The following EGFR variants were observed in gnomAD, a reference collection of about 807,000 sequenced individuals.
EGFR encodes epidermal growth factor receptor, also known as avian erythroblastic leukemia viral (v-erb-b) oncogene homolog.
EGFR carries 58 observed loss-of-function variants against 143.0 expected under a neutral mutation model. The observed-to-expected ratio is 0.41, with a 90% confidence interval of 0.33 to 0.50. The LOEUF (loss-of-function observed/expected upper bound fraction) is 0.50. Ranked by LOEUF, EGFR falls within the 20% of genes least tolerant of loss-of-function variation. The pLI is 0.39. For missense variants in EGFR, 1,307 were observed against 1,579.0 expected, an observed-to-expected ratio of 0.83 and a Z score of 2.92; for synonymous variants, 613 against 594.4, an observed-to-expected ratio of 1.03 and a Z score of -0.45.
chr7:55,110,968 G>A (rs1037242993), intron 1 of EGFR, among the ~76,000 whole-genome samples: 3 of 152,166 alleles, frequency 2.0e-5, no homozygotes, highest in African/African-American at 7.2e-5. Context: ...GGAGTTTTGG[G>A]GGTTTTCCAG....
At chr7:55,034,229 G>T (rs965051546) in intron 1 of EGFR, among the ~76,000 whole-genome samples, 1 of 152,110 alleles carries the variant, frequency 6.6e-6, no homozygotes, top group African/African-American at 2.4e-5. Context: ...TTTTTGTTTT[G>T]TTTGTTTGTT....
chr7:55,156,730 A>G, intron 9 of EGFR, 29 bp from the exon 10 acceptor site: 1 of 1,614,234 alleles, frequency 6.2e-7, no homozygotes, highest in Non-Finnish European at 8.5e-7. Flanking sequence ...GAGATTGGTG[A>G]TCAATAATCA....
intron 1 of EGFR, among the ~76,000 whole-genome samples, chr7:55,087,442 G>C (rs1448213260): frequency 3.9e-5 from 6 of 152,170 alleles, no homozygotes; most frequent in Non-Finnish European, 5.9e-5. Context: ...TAGAGAGCAG[G>C]TCTCAGAAAC....
chr7:55,201,113 C>G (rs971141978), intron 24 of EGFR, 75 bp from the exon 25 acceptor site: 2 of 1,588,514 alleles, frequency 1.3e-6, no homozygotes, highest in Non-Finnish European at 8.6e-7. Flanking sequence ...TGGCAATAGA[C>G]CCCTGCTCCT....
intron 1 of EGFR, among the ~76,000 whole-genome samples, chr7:55,114,825 GAGA>G (rs1792731422): frequency 6.6e-6 from 1 of 150,760 alleles, no homozygotes; most frequent in South Asian, 2.1e-4. Context: ...CAGCTTTTGA[GAGA>G]AGGACATTGT....
intron 1 of EGFR, among the ~76,000 whole-genome samples, chr7:55,089,539 T>C (rs113245502): frequency 0.012 from 1,859 of 152,356 alleles, 18 homozygotes; most frequent in South Asian, 0.024. Flanking sequence ...AGAAATCCCA[T>C]CCTTTCACAC....
In EGFR at chr7:55,181,073, A is replaced by G. The variant is rs557598171; in HGVS notation, c.2284-220A>G. Reference sequence around the variant, plus strand: ...GGCCTCTCTGTCATGGGGAATCCCCAGATGCACCCAGGAGGGGCCCTCTCC... The same window carrying G: ...GGCCTCTCTGTCATGGGGAATCCCCGGATGCACCCAGGAGGGGCCCTCTCC... On this transcript the variant is annotated intron_variant, in intron 19 of 27. Coordinates refer to ENST00000275493, the MANE Select transcript of EGFR (RefSeq NM_005228.5). 3.5e-4 allele frequency: 214 copies of G among 612,808 alleles called. 1 individual carries two copies. The highest frequency in any genetic ancestry group is 5.3e-4 in the Non-Finnish European group (183 of 345,386). The allele number at this position is 612,808 out of a possible 1,614,324, so 38.0% of individuals were successfully genotyped here. A position where few individuals can be genotyped will look rare whatever the true frequency, so the allele number is the denominator to read the frequency against.
At chr7:55,139,096 C>T (rs1478754652) in intron 1 of EGFR, among the ~76,000 whole-genome samples, 1 of 152,166 alleles carries the variant, frequency 6.6e-6, no homozygotes, top group Non-Finnish European at 1.5e-5. Flanking sequence ...AACACTGTTG[C>T]ATTGGTGATT....
At chr7:55,162,538 A>G (rs1322649976) in intron 13 of EGFR, among the ~76,000 whole-genome samples, 1 of 152,220 alleles carries the variant, frequency 6.6e-6, no homozygotes, top group Non-Finnish European at 1.5e-5. Flanking sequence ...TACAGCTACA[A>G]ATGGACAGTG....
chr7:55,174,986 C>T (rs768481513), intron 19 of EGFR, among the ~76,000 whole-genome samples, 166 bp downstream of exon 19: 51 of 152,180 alleles, frequency 3.4e-4, no homozygotes, highest in Non-Finnish European at 5.0e-4. Flanking sequence ...ACTCCCTCCC[C>T]TTAGAGACAG....
intron 24 of EGFR, 181 bp downstream of exon 24, chr7:55,200,594 G>A (rs1223284130): frequency 5.9e-6 from 4 of 677,180 alleles, no homozygotes; most frequent in Non-Finnish European, 1.1e-5. Flanking sequence ...AGCAGCATCC[G>A]TGAGTGGGGC....
chr7:55,128,217 C>T (rs758863626), intron 1 of EGFR, among the ~76,000 whole-genome samples: 16 of 152,234 alleles, frequency 1.1e-4, no homozygotes, highest in Non-Finnish European at 2.1e-4. Context: ...ATTTGAAAGA[C>T]ACTTCTGCTG....
chr7:55,170,399 G>A (rs762236315), intron 15 of EGFR: 27 of 1,614,052 alleles, frequency 1.7e-5, no homozygotes, highest in Non-Finnish European at 2.0e-5. Flanking sequence ...TCCCACCAGA[G>A]CGGGAGCCCA....
Position 55,187,854 on chromosome 7 carries a change from G to T in EGFR, c.2470-3865G>T, listed in dbSNP as rs186365726. On this transcript the variant is annotated intron_variant, in intron 20 of 27. Transcript: ENST00000275493. ...CCCACCAGCACCCCAAGGGCTAAAA[G>T]GTTGAGGGGAGAACACCATCATTTG... Among the ~76,000 whole-genome samples, 103 of 152,304 alleles carry T rather than the reference G, an allele frequency of 6.8e-4. No homozygotes were observed. In the Middle Eastern group the frequency reaches 0.01, roughly 15 times the overall value.
chr7:55,180,883 C>T (rs1786830390), intron 19 of EGFR: 1 of 298,718 alleles, frequency 3.3e-6, no homozygotes, highest in Admixed American at 4.8e-5. Flanking sequence ...GTGTTCCGGA[C>T]CCCACACAGA....
At chr7:55,165,497 A>G in intron 15 of EGFR, 60 bp downstream of exon 15, 8 of 1,562,130 alleles carry the variant, frequency 5.1e-6, no homozygotes, top group Non-Finnish European at 6.9e-6. Flanking sequence ...GAGATCAAAA[A>G]TGTCTCCCAA....
intron 15 of EGFR, chr7:55,166,405 G>A (rs1046798642): frequency 1.9e-6 from 1 of 527,204 alleles, no homozygotes; most frequent in Non-Finnish European, 3.7e-6. Context: ...TTGGGCAAGG[G>A]TCTTACCTTC....
intron 1 of EGFR, among the ~76,000 whole-genome samples, chr7:55,080,670 G>A (rs1401568094): frequency 6.6e-6 from 1 of 152,086 alleles, no homozygotes; most frequent in Non-Finnish European, 1.5e-5. Flanking sequence ...CATGAAAATT[G>A]CTAAGAGAGT....
intron 1 of EGFR, among the ~76,000 whole-genome samples, chr7:55,050,341 T>C (rs1358437486): frequency 6.6e-6 from 1 of 152,194 alleles, no homozygotes; most frequent in Non-Finnish European, 1.5e-5. Context: ...GATCATACAA[T>C]GTATCTGTCT....
Sources: allele counts gnomAD v4.1 joint callset (sites outside exome capture counted in the v4.1 genomes callset), GRCh38; gene constraint gnomAD v4.1.1; transcripts MANE v1.5; gene names NCBI Gene and HGNC (gene_info 2026-07-23, HGNC 2026-07-21).